Variants in PCDHA8 observed in about 807,000 individuals in gnomAD.
PCDHA8 encodes the protein protocadherin alpha-8.
A neutral mutation model predicts 61.8 loss-of-function variants in PCDHA8; 53 were observed. That is an observed-to-expected ratio of 0.86 (90% CI 0.69 to 1.08). The LOEUF (loss-of-function observed/expected upper bound fraction) is 1.08, where lower values mean the gene tolerates loss of function less well. Ranked by LOEUF, PCDHA8 falls within the 50% of genes least tolerant of loss-of-function variation. PCDHA8 has a pLI of 0.00. For missense variants in PCDHA8, 1,293 were observed against 1,245.0 expected (o/e 1.04, Z -0.58); for synonymous variants, 618 against 556.6 (o/e 1.11, Z -1.55).
chr5:140,877,217 C>A (rs571871387), intron 1 of PCDHA8: 2 of 1,613,742 alleles, frequency 1.2e-6, no homozygotes, highest in African/African-American at 1.3e-5. Flanking sequence ...GAGTTGGTAC[C>A]GCGGTCGGTG....
intron 1 of PCDHA8, among the ~76,000 whole-genome samples, chr5:140,888,313 G>C (rs1434881975): frequency 6.6e-6 from 1 of 152,154 alleles, no homozygotes; most frequent in Non-Finnish European, 1.5e-5. Context: ...ATTTGGCAAT[G>C]CCTGGATACA....
At position 140,870,603 on chromosome 5, in the gene PCDHA8, C is replaced by T. The variant is rs782250124; in HGVS notation, c.2394+26888C>T. ...CGCTGGTGGAGCGGCGGTTGGGCGACCGCGCGCTGTCGAGCTACGTGTCGG... is the reference window on the plus strand; with the variant it reads ...CGCTGGTGGAGCGGCGGTTGGGCGATCGCGCGCTGTCGAGCTACGTGTCGG... On this transcript the variant is annotated intron_variant, in intron 1 of 3. Coordinates refer to ENST00000531613, the MANE Select transcript of PCDHA8 (RefSeq NM_018911.3). The T allele has an allele frequency of 4.3e-6, 7 of 1,613,340 alleles. No homozygotes were observed. The Admixed American group carries it at 1.2e-4, about 27-fold the overall frequency.
Position 140,843,115 on chromosome 5 carries a change from C to G in PCDHA8, c.1794C>G (p.Asp598Glu), listed in dbSNP as rs2150353014. ...GHVVAKVRAV[D>E]ADSGYNAWLS... Reference sequence around the variant, plus strand: ...TGGTAGCGAAGGTGCGCGCAGTGGACGCCGACTCGGGCTACAACGCGTGGC... The same window carrying G: ...TGGTAGCGAAGGTGCGCGCAGTGGAGGCCGACTCGGGCTACAACGCGTGGC... The change falls in exon 1 of 4, where the codon GAC becomes GAG. Residue 598 changes from aspartate to glutamate, a missense_variant. Coordinates refer to ENST00000531613, the MANE Select transcript of PCDHA8 (RefSeq NM_018911.3). 1.3e-5 allele frequency: 21 copies of G among 1,595,824 alleles called. 4 individuals carry two copies. In the South Asian group the frequency reaches 1.5e-4, roughly 12 times the overall value.
At position 140,927,806 on chromosome 5, in the gene PCDHA8, T is replaced by C. The variant is rs1554205074; in HGVS notation, c.2395-51143T>C. 4 of 1,614,004 alleles carry C rather than the reference T, an allele frequency of 2.5e-6. No individual in the cohort carries two copies. In the African/African-American group the frequency reaches 5.3e-5, roughly 22 times the overall value. On this transcript the variant is annotated intron_variant, in intron 1 of 3. Transcript: ENST00000531613. ...GCTTCACTAGGTCCGCCTGAAACGC[T>C]CTTGGAGGCATACATTGAGGCGAGG...
chr5:140,850,343 C>T, intron 1 of PCDHA8: 1 of 1,597,790 alleles, frequency 6.3e-7, no homozygotes. Flanking sequence ...CAGAAACGGC[C>T]AGCGCGAGCA....
intron 3 of PCDHA8, among the ~76,000 whole-genome samples, chr5:140,982,794 CAT>C (rs1491349118): frequency 4.0e-5 from 6 of 150,946 alleles, no homozygotes; most frequent in Admixed American, 1.3e-4. Context: ...CGCATGTGTG[CAT>C]GTGTGTGTGT....
chr5:140,893,519 C>T (rs1199543838), intron 1 of PCDHA8, among the ~76,000 whole-genome samples: 1 of 152,084 alleles, frequency 6.6e-6, no homozygotes, highest in African/African-American at 2.4e-5. Flanking sequence ...AGTTGTAGAA[C>T]TCCTTTAAGT....
intron 1 of PCDHA8, among the ~76,000 whole-genome samples, chr5:140,976,583 G>A (rs1360171256): frequency 8.6e-5 from 13 of 151,966 alleles, no homozygotes; most frequent in African/African-American, 3.1e-4. Flanking sequence ...ATAAAACACA[G>A]ACTTTTGTGT....
intron 1 of PCDHA8, chr5:140,926,257 C>CT (rs1336723706): frequency 4.6e-5 from 7 of 152,300 alleles, no homozygotes; most frequent in African/African-American, 1.7e-4. Flanking sequence ...ACCGTCCCGC[C>CT]TCTCGCCGCC....
At chr5:140,929,391 A>T (rs1563116530) in intron 1 of PCDHA8, 3 of 1,511,404 alleles carry the variant, frequency 2.0e-6, no homozygotes, top group Non-Finnish European at 2.7e-6. Context: ...GTTTTGAAAT[A>T]TTTCTTAGAC....
intron 1 of PCDHA8, among the ~76,000 whole-genome samples, chr5:140,961,680 C>T (rs989401730): frequency 3.3e-5 from 5 of 152,040 alleles, no homozygotes; most frequent in African/African-American, 4.8e-5. Flanking sequence ...TTAATTAAGC[C>T]GGAGTAGTCC....
At chr5:140,954,297 C>T (rs1369831854) in intron 1 of PCDHA8, among the ~76,000 whole-genome samples, 2 of 152,180 alleles carry the variant, frequency 1.3e-5, no homozygotes, top group African/African-American at 4.8e-5. Flanking sequence ...TGGGTACATA[C>T]CCAGTAATGG....
chr5:140,857,042 C>A, intron 1 of PCDHA8: 1 of 1,595,550 alleles, frequency 6.3e-7, no homozygotes, highest in South Asian at 1.1e-5. Flanking sequence ...TATGGTTGGT[C>A]ACTGCACGGT....
At chr5:140,903,982 T>G (rs782635653) in intron 1 of PCDHA8, among the ~76,000 whole-genome samples, 5 of 152,232 alleles carry the variant, frequency 3.3e-5, no homozygotes, top group African/African-American at 4.8e-5. Flanking sequence ...CTATTCACAA[T>G]GTAACAGCTA....
intron 1 of PCDHA8, among the ~76,000 whole-genome samples, chr5:140,916,167 C>T (rs2077462600): frequency 6.6e-6 from 1 of 152,080 alleles, no homozygotes; most frequent in South Asian, 2.1e-4. Context: ...TGCTGCCAGG[C>T]CTGGGACTCT....
intron 3 of PCDHA8, 155 bp downstream of exon 3, chr5:140,982,718 T>A: frequency 1.1e-6 from 1 of 924,050 alleles, no homozygotes; most frequent in Non-Finnish European, 1.3e-6. Flanking sequence ...CATATATGAT[T>A]ATTTTGATTT....
chr5:140,902,465 T>C (rs535908878), intron 1 of PCDHA8, among the ~76,000 whole-genome samples: 4 of 152,280 alleles, frequency 2.6e-5, no homozygotes, highest in Non-Finnish European at 4.4e-5. Flanking sequence ...AGAAAAGGCT[T>C]TGAGTTTTTG....
At chr5:140,998,196 C>T (rs960565673) in intron 3 of PCDHA8, among the ~76,000 whole-genome samples, 2 of 152,164 alleles carry the variant, frequency 1.3e-5, no homozygotes, top group African/African-American at 4.8e-5. Flanking sequence ...CAAGTATTAA[C>T]TCCTTTAATC....
intron 1 of PCDHA8, chr5:140,848,367 G>T: frequency 9.1e-7 from 1 of 1,100,452 alleles, no homozygotes; most frequent in Non-Finnish European, 1.3e-6. Context: ...TGGGAAAGAG[G>T]CTCAATTCTT....
Sources: gnomAD v4.1 joint callset for allele counts (sites outside exome capture counted in the v4.1 genomes callset) on GRCh38, gnomAD v4.1.1 for gene constraint, MANE v1.5 for transcripts, NCBI Gene and HGNC (gene_info 2026-07-23, HGNC 2026-07-21) for gene names.